OSBPL9: variants seen among roughly 807,000 people sequenced by gnomAD.
OSBPL9 encodes the protein oxysterol binding protein like 9.
A neutral mutation model predicts 106.6 loss-of-function variants in OSBPL9; 40 were observed. That is an observed-to-expected ratio of 0.38 (90% CI 0.29 to 0.49). The LOEUF (loss-of-function observed/expected upper bound fraction) is 0.49, where lower values mean the gene tolerates loss of function less well. Ranked by LOEUF, OSBPL9 falls within the 20% of genes least tolerant of loss-of-function variation. The pLI, the probability that OSBPL9 is intolerant of heterozygous loss-of-function variation, is 0.97. For missense variants in OSBPL9, 609 were observed against 887.2 expected, an observed-to-expected ratio of 0.69 and a Z score of 3.98; for synonymous variants, 269 against 295.4, an observed-to-expected ratio of 0.91 and a Z score of 0.92.
chr1:51,734,566 G>A (rs777416627), intron 4 of OSBPL9, among the ~76,000 whole-genome samples: 21 of 152,302 alleles, frequency 1.4e-4, no homozygotes, highest in Admixed American at 3.3e-4. Flanking sequence ...TCCTCCTGGT[G>A]AACCTAGTTG....
rs188219892 is a variant in OSBPL9 at position 51,607,352 on chromosome 1, G to C, written c.-352-6953G>C. Among the ~76,000 whole-genome samples the C allele has an allele frequency of 5.3e-5, 8 of 151,806 alleles. No individual in the cohort carries two copies. In the East Asian group the frequency reaches 1.6e-3, roughly 30 times the overall value. ...AATTTTTGTACTTTTAGTAGAGATG[G>C]GGTTTCACCATGTTGGCCAGGCTGA... On this transcript the variant is annotated intron_variant, in intron 2 of 25. Transcript: ENST00000371714.
At chr1:51,530,189 A>AAAAC in the OSBPL9 span, among the ~76,000 whole-genome samples, 14 of 94,100 alleles carry the variant, frequency 1.5e-4, no homozygotes, top group South Asian at 3.6e-3. Flanking sequence ...AAAAAAAAAA[A>AAAAC]AAACAAAAAA....
the OSBPL9 span, among the ~76,000 whole-genome samples, chr1:51,564,575 G>C: frequency 6.6e-6 from 1 of 152,152 alleles, no homozygotes; most frequent in Non-Finnish European, 1.5e-5. Flanking sequence ...TGCTCTGCCT[G>C]CCTGGCAGTT....
chr1:51,784,864 T>C (rs1677234445), intron 20 of OSBPL9: 3 of 405,808 alleles, frequency 7.4e-6, no homozygotes, highest in Admixed American at 4.2e-5. Flanking sequence ...CTAAACCAGA[T>C]TATGGATCCC....
intron 1 of OSBPL9, among the ~76,000 whole-genome samples, chr1:51,641,722 A>G (rs1426138660): frequency 6.6e-6 from 1 of 152,224 alleles, no homozygotes; most frequent in Non-Finnish European, 1.5e-5. Flanking sequence ...TATATCACCA[A>G]CTATTTTGAT....
intron 1 of OSBPL9, among the ~76,000 whole-genome samples, chr1:51,585,331 T>C (rs1645241613): frequency 6.6e-6 from 1 of 152,180 alleles, no homozygotes; most frequent in African/African-American, 2.4e-5. Flanking sequence ...AGTTGACTTC[T>C]CTGGGCTTCA....
chr1:51,554,142 A>G, the OSBPL9 span, among the ~76,000 whole-genome samples: 1 of 152,146 alleles, frequency 6.6e-6, no homozygotes, highest in East Asian at 1.9e-4. Context: ...ACACAGGAAG[A>G]CTCTGTCTCT....
chr1:51,641,518 A>G (rs1308805457), intron 1 of OSBPL9, among the ~76,000 whole-genome samples: 2 of 152,236 alleles, frequency 1.3e-5, no homozygotes, highest in East Asian at 1.9e-4. Context: ...TTTTGGCAAG[A>G]TAAGTTCTAC....
At chr1:51,668,436 A>T (rs1649038174) in intron 2 of OSBPL9, among the ~76,000 whole-genome samples, 1 of 152,142 alleles carries the variant, frequency 6.6e-6, no homozygotes, top group African/African-American at 2.4e-5. Context: ...AGCCTGGCCA[A>T]CAAGGTGAAA....
chr1:51,554,144 TC>T, the OSBPL9 span, among the ~76,000 whole-genome samples: 1 of 152,144 alleles, frequency 6.6e-6, no homozygotes, highest in African/African-American at 2.4e-5. Context: ...ACAGGAAGAC[TC>T]TGTCTCTTAC....
intron 1 of OSBPL9, among the ~76,000 whole-genome samples, chr1:51,586,248 AAATT>A (rs1231677430): frequency 1.8e-4 from 27 of 152,150 alleles, no homozygotes; most frequent in African/African-American, 6.0e-4. Context: ...AATAATGAAA[AAATT>A]AAACTAATCT....
At chr1:51,755,442 T>C (rs1670127210) in intron 8 of OSBPL9, among the ~76,000 whole-genome samples, 1 of 152,248 alleles carries the variant, frequency 6.6e-6, no homozygotes, top group South Asian at 2.1e-4. Context: ...TTAGGATTCT[T>C]TGACTTCATG....
intron 3 of OSBPL9, among the ~76,000 whole-genome samples, chr1:51,679,962 A>G (rs1253157069): frequency 6.6e-6 from 1 of 152,220 alleles, no homozygotes; most frequent in Non-Finnish European, 1.5e-5. Context: ...TACTATCCAC[A>G]GTTTCAGGCA....
chr1:51,548,213 C>T, the OSBPL9 span, among the ~76,000 whole-genome samples: 1 of 151,992 alleles, frequency 6.6e-6, no homozygotes, highest in Non-Finnish European at 1.5e-5. Flanking sequence ...ATTATGCAGG[C>T]ATTTTTTTCT....
intron 2 of OSBPL9, among the ~76,000 whole-genome samples, chr1:51,603,378 G>A (rs547148981): frequency 2.0e-5 from 3 of 152,320 alleles, no homozygotes; most frequent in East Asian, 1.9e-4. Flanking sequence ...AAGCGAATGA[G>A]AACTGAGAAC....
At chr1:51,642,811 A>G (rs1413406319) in intron 1 of OSBPL9, among the ~76,000 whole-genome samples, 2 of 152,266 alleles carry the variant, frequency 1.3e-5, no homozygotes, top group Non-Finnish European at 2.9e-5. Context: ...GGGAAATGAG[A>G]GAGGGTTTTA....
At chr1:51,725,576 A>G (rs187785578) in intron 4 of OSBPL9, among the ~76,000 whole-genome samples, 192 of 152,316 alleles carry the variant, frequency 1.3e-3, no homozygotes, top group African/African-American at 4.5e-3. Context: ...TAAGGTGTGC[A>G]TGGAGGGGAA....
intron 3 of OSBPL9, among the ~76,000 whole-genome samples, chr1:51,680,731 C>T (rs1429812683): frequency 1.3e-5 from 2 of 151,960 alleles, no homozygotes; most frequent in Non-Finnish European, 2.9e-5. Context: ...ATATATTTAG[C>T]CACTCATCTG....
At chr1:51,775,707 T>C (rs1166405236) in intron 14 of OSBPL9, among the ~76,000 whole-genome samples, 2 of 152,052 alleles carry the variant, frequency 1.3e-5, no homozygotes, top group Non-Finnish European at 2.9e-5. Flanking sequence ...GCCTCCTGGG[T>C]TCAAGTGATT....
Sources: gnomAD v4.1 joint callset for allele counts (sites outside exome capture counted in the v4.1 genomes callset) on GRCh38, gnomAD v4.1.1 for gene constraint, MANE v1.5 for transcripts, NCBI Gene and HGNC (gene_info 2026-07-23, HGNC 2026-07-21) for gene names.